The following GRID2 variants were observed in gnomAD, a reference collection of about 807,000 sequenced individuals.
GRID2 encodes glutamate ionotropic receptor delta type subunit 2, also known as glutamate receptor ionotropic, delta-2.
A neutral mutation model predicts 114.8 loss-of-function variants in GRID2; 33 were observed. That is an observed-to-expected ratio of 0.29 (90% CI 0.22 to 0.38). The LOEUF (loss-of-function observed/expected upper bound fraction) is 0.38. GRID2 is among the 10% of genes least tolerant of loss of function. The pLI is 1.00. For synonymous variants in GRID2, 505 were observed against 449.9 expected, an observed-to-expected ratio of 1.12 and a Z score of -1.55; for missense variants, 1,184 against 1,257.7, an observed-to-expected ratio of 0.94 and a Z score of 0.89.
At chr4:93,128,696 G>T in intron 4 of GRID2, among the ~76,000 whole-genome samples, 1 of 116,806 alleles carries the variant, frequency 8.6e-6, no homozygotes, top group East Asian at 2.7e-4. Context: ...ACAGAAAGCG[G>T]CATGAGCCTA....
chr4:92,989,619 C>T (rs1254304652), intron 2 of GRID2, among the ~76,000 whole-genome samples: 1 of 152,124 alleles, frequency 6.6e-6, no homozygotes, highest in African/African-American at 2.4e-5. Flanking sequence ...CTGCTCTGGT[C>T]TGAAATTTTT....
chr4:93,353,614 G>C (rs955767200), intron 8 of GRID2, among the ~76,000 whole-genome samples: 1 of 151,544 alleles, frequency 6.6e-6, no homozygotes. Context: ...TGAAAGTAGA[G>C]GTATATAAGT....
At chr4:93,396,782 A>C (rs763252011) in intron 9 of GRID2, among the ~76,000 whole-genome samples, 12 of 151,990 alleles carry the variant, frequency 7.9e-5, no homozygotes, top group African/African-American at 1.4e-4. Context: ...TGTTAATAGA[A>C]ATATTCTTAA....
intron 11 of GRID2, among the ~76,000 whole-genome samples, chr4:93,474,192 A>G (rs562151224): frequency 1.3e-5 from 2 of 152,250 alleles, no homozygotes; most frequent in South Asian, 4.1e-4. Flanking sequence ...GAAACGACAA[A>G]TGCATTTGTT....
intron 1 of GRID2, among the ~76,000 whole-genome samples, chr4:92,429,087 C>A (rs1271164531): frequency 1.3e-5 from 2 of 152,116 alleles, no homozygotes; most frequent in Admixed American, 6.5e-5. Context: ...GTTCAACTCC[C>A]ACTTATGAAT....
intron 2 of GRID2, chr4:92,822,108 A>T (rs1741324523): frequency 3.1e-6 from 1 of 324,570 alleles, no homozygotes. Flanking sequence ...GATTCCGATA[A>T]CTTCTTGCTT....
intron 8 of GRID2, among the ~76,000 whole-genome samples, chr4:93,270,828 C>T (rs558655400): frequency 1.1e-3 from 173 of 152,110 alleles, no homozygotes; most frequent in African/African-American, 3.5e-3. Context: ...AGGGTTTTAC[C>T]ATGTTGGCCA....
chr4:93,257,575 A>G (rs1749737645), intron 8 of GRID2, among the ~76,000 whole-genome samples: 1 of 151,678 alleles, frequency 6.6e-6, no homozygotes, highest in South Asian at 2.1e-4. Flanking sequence ...CTGAAAATAT[A>G]TTTCTCTTAT....
intron 2 of GRID2, among the ~76,000 whole-genome samples, chr4:92,879,275 A>G (rs998912224): frequency 4.6e-5 from 7 of 152,220 alleles, no homozygotes; most frequent in African/African-American, 1.7e-4. Flanking sequence ...GACAGAGTAA[A>G]TACTGATGTG....
chr4:93,283,634 AC>A (rs1334848950), intron 8 of GRID2, among the ~76,000 whole-genome samples: 5 of 152,210 alleles, frequency 3.3e-5, no homozygotes, highest in Admixed American at 3.3e-4. Flanking sequence ...TGGCACACTG[AC>A]CCTGAGTAGT....
intron 4 of GRID2, 109 bp downstream of exon 4, chr4:93,111,062 A>G: frequency 1.4e-6 from 1 of 699,714 alleles, no homozygotes; most frequent in African/African-American, 1.8e-5. Context: ...AATTAACTAC[A>G]CAATTCTTGT....
At chr4:93,193,351 C>A (rs533597887) in intron 4 of GRID2, among the ~76,000 whole-genome samples, 3 of 152,210 alleles carry the variant, frequency 2.0e-5, no homozygotes, top group East Asian at 3.9e-4. Flanking sequence ...CCCCACGTGT[C>A]ATGGGAGAGA....
chr4:93,462,601 C>T (rs1293717520), intron 11 of GRID2, among the ~76,000 whole-genome samples: 1 of 152,116 alleles, frequency 6.6e-6, no homozygotes, highest in Non-Finnish European at 1.5e-5. Flanking sequence ...CCAACTTTCT[C>T]ATATCCACAA....
At chr4:93,531,829 G>A (rs60692560) in intron 13 of GRID2, among the ~76,000 whole-genome samples, 4,577 of 152,008 alleles carry the variant, frequency 0.03, 211 homozygotes, top group African/African-American at 0.1. Flanking sequence ...CAGGAAGGTT[G>A]ATTCTGAATT....
At chr4:93,191,751 A>G (rs1042168289) in intron 4 of GRID2, among the ~76,000 whole-genome samples, 4 of 152,100 alleles carry the variant, frequency 2.6e-5, no homozygotes, top group Admixed American at 2.0e-4. Context: ...TGCCATATCA[A>G]TTATTATTGT....
chr4:92,320,643 A>G (rs1726264296), intron 1 of GRID2, among the ~76,000 whole-genome samples: 1 of 151,918 alleles, frequency 6.6e-6, no homozygotes, highest in Admixed American at 6.6e-5. Flanking sequence ...ATGCCTAGCT[A>G]ATTTTTGTAT....
chr4:92,561,454 T>C (rs1727099272), intron 1 of GRID2, among the ~76,000 whole-genome samples: 1 of 152,240 alleles, frequency 6.6e-6, no homozygotes, highest in Non-Finnish European at 1.5e-5. Flanking sequence ...AAATGTTTCA[T>C]ACCAGTAGGT....
At chr4:92,601,632 T>A (rs62310147) in intron 2 of GRID2, among the ~76,000 whole-genome samples, 1 of 151,464 alleles carries the variant, frequency 6.6e-6, no homozygotes, top group Non-Finnish European at 1.5e-5. Context: ...AATAGAAAAC[T>A]AAGAGCAAAC....
chr4:92,674,088 T>C (rs1489486433), intron 2 of GRID2, among the ~76,000 whole-genome samples: 1 of 152,208 alleles, frequency 6.6e-6, no homozygotes, highest in Non-Finnish European at 1.5e-5. Context: ...AGTAATCTTA[T>C]TGTGTTGAAT....
Sources: allele counts gnomAD v4.1 joint callset (sites outside exome capture counted in the v4.1 genomes callset), GRCh38; gene constraint gnomAD v4.1.1; transcripts MANE v1.5; gene names NCBI Gene and HGNC (gene_info 2026-07-23, HGNC 2026-07-21).